RBFOX3: variants seen among roughly 807,000 people sequenced by gnomAD.
RBFOX3 encodes the protein RNA binding protein fox-1 homolog 3.
RBFOX3 carries 17 observed loss-of-function variants against 48.7 expected under a neutral mutation model. That is an observed-to-expected ratio of 0.35 (90% CI 0.24 to 0.52). The LOEUF is 0.52. Ranked by LOEUF, RBFOX3 falls within the 20% of genes least tolerant of loss-of-function variation. RBFOX3 has a pLI of 0.94. For missense variants in RBFOX3, 382 were observed against 497.5 expected (o/e 0.77, Z 2.21); for synonymous variants, 212 against 209.5 (o/e 1.01, Z -0.10).
chr17:79,238,219 G>A (rs780467008), intron 3 of RBFOX3, among the ~76,000 whole-genome samples: 1 of 152,246 alleles, frequency 6.6e-6, no homozygotes, highest in Non-Finnish European at 1.5e-5. Flanking sequence ...TTACAGGTGT[G>A]AGCCACCACA....
the RBFOX3 span, among the ~76,000 whole-genome samples, chr17:79,616,582 A>ACACACACACAC: frequency 6.9e-6 from 1 of 145,652 alleles, no homozygotes; most frequent in African/African-American, 2.5e-5. Flanking sequence ...TCTCTATACA[A>ACACACACACAC]ACACACACAC....
intron 2 of RBFOX3, among the ~76,000 whole-genome samples, chr17:79,380,344 T>G (rs2059749219): frequency 6.6e-6 from 1 of 152,274 alleles, no homozygotes; most frequent in African/African-American, 2.4e-5. Context: ...AAAGTCTTTT[T>G]TAATTTTCAA....
chr17:79,420,509 C>T (rs1350407475), intron 2 of RBFOX3, among the ~76,000 whole-genome samples: 1 of 152,148 alleles, frequency 6.6e-6, no homozygotes, highest in African/African-American at 2.4e-5. Flanking sequence ...CCCTCCACAG[C>T]CATGTCCAGG....
chr17:79,258,006 C>T (rs373624365), intron 3 of RBFOX3, among the ~76,000 whole-genome samples: 91 of 152,274 alleles, frequency 6.0e-4, no homozygotes, highest in African/African-American at 2.1e-3. Context: ...CCTTTATCCC[C>T]TTCTCTCCCC....
chr17:79,293,434 T>TCCTC (rs2073764979), intron 3 of RBFOX3, among the ~76,000 whole-genome samples: 1 of 59,060 alleles, frequency 1.7e-5, no homozygotes, highest in Non-Finnish European at 2.9e-5. Flanking sequence ...CTTCCTTCCT[T>TCCTC]CCTTCCTTCC....
the RBFOX3 span, among the ~76,000 whole-genome samples, chr17:79,626,661 C>G: frequency 1.3e-5 from 2 of 152,258 alleles, no homozygotes; most frequent in Non-Finnish European, 2.9e-5. Context: ...GGGATATACA[C>G]AGAAGTGACA....
intron 1 of RBFOX3, among the ~76,000 whole-genome samples, chr17:79,509,126 C>G (rs1049983807): frequency 1.3e-5 from 2 of 151,974 alleles, no homozygotes; most frequent in African/African-American, 4.8e-5. Context: ...CCCCAGGGCC[C>G]CGGCCCTGGG....
Position 79,299,004 on chromosome 17 carries a change from G to A in RBFOX3, c.-74+8720C>T, listed in dbSNP as rs190366561. Among the ~76,000 whole-genome samples the A allele has an allele frequency of 2.2e-4, 33 of 152,338 alleles. No individual in the cohort carries two copies. The East Asian group carries it at 6.2e-3, about 29-fold the overall frequency. On this transcript the variant is annotated intron_variant, in intron 3 of 14. Coordinates refer to ENST00000693108, the MANE Select transcript of RBFOX3 (RefSeq NM_001350451.2). This position sits in a 1 kb window ranked among gnomAD's most constrained non-coding sequence, Gnocchi z 4.5. ...CTGCTGATGCAAGGCTGGGAGGCGG[G>A]AGGGCGCGAGTCTGTAACTGGAGAG... is the stretch of plus-strand genomic sequence containing the variant.
intron 1 of RBFOX3, among the ~76,000 whole-genome samples, chr17:79,563,514 C>G (rs1006529528): frequency 6.6e-6 from 1 of 152,250 alleles, no homozygotes; most frequent in Non-Finnish European, 1.5e-5. Flanking sequence ...AAAGGAGTGC[C>G]TGTTTCACCA....
intron 5 of RBFOX3, among the ~76,000 whole-genome samples, chr17:79,112,684 G>A (rs567690383): frequency 6.6e-6 from 1 of 152,208 alleles, no homozygotes; most frequent in South Asian, 2.1e-4. Context: ...ACAGCTACCA[G>A]TGGGGTGGGT....
In RBFOX3 at chr17:79,311,351, C is replaced by T. The variant is rs991087851; in HGVS notation, c.-174-3527G>A. ...AGGAGGCTGAGGCAGGAGAATCACTCGAACCTGGGAGGCAGAGGTTGCAGT... is the reference window on the plus strand; with the variant it reads ...AGGAGGCTGAGGCAGGAGAATCACTTGAACCTGGGAGGCAGAGGTTGCAGT... On this transcript the variant is annotated intron_variant, in intron 2 of 14. Coordinates refer to ENST00000693108, the MANE Select transcript of RBFOX3 (RefSeq NM_001350451.2). The surrounding 1 kb of genome is among the most constrained non-coding windows in gnomAD (Gnocchi z 4.2). Among the ~76,000 whole-genome samples, 3 of 150,380 alleles carry T rather than the reference C, an allele frequency of 2.0e-5. No homozygotes were observed. The highest frequency in any genetic ancestry group is 3.0e-5 in the Non-Finnish European group (2 of 67,710).
At chr17:79,386,058 G>A (rs1423612065) in intron 2 of RBFOX3, among the ~76,000 whole-genome samples, 1 of 148,090 alleles carries the variant, frequency 6.8e-6, no homozygotes, top group African/African-American at 2.5e-5. Flanking sequence ...ACAGAAAGAG[G>A]CTCCATCACC....
chr17:79,297,462 G>A (rs893008921), intron 3 of RBFOX3, among the ~76,000 whole-genome samples: 3 of 108,042 alleles, frequency 2.8e-5, no homozygotes, highest in East Asian at 5.8e-4. Flanking sequence ...TGGCTTCCTC[G>A]GGCCATCCCC....
chr17:79,620,617 A>T, the RBFOX3 span, among the ~76,000 whole-genome samples: 2 of 119,368 alleles, frequency 1.7e-5, no homozygotes, highest in African/African-American at 6.8e-5. Context: ...ACATGCACAC[A>T]CGCACATGCA....
chr17:79,459,455 C>T (rs1383569700), intron 2 of RBFOX3, among the ~76,000 whole-genome samples: 1 of 152,144 alleles, frequency 6.6e-6, no homozygotes, highest in Non-Finnish European at 1.5e-5. Context: ...TGGTACAGAG[C>T]ACAGTGGGGC....
chr17:79,187,873 G>A (rs1005818440), intron 4 of RBFOX3, among the ~76,000 whole-genome samples: 5 of 151,828 alleles, frequency 3.3e-5, no homozygotes, highest in Non-Finnish European at 5.9e-5. Context: ...GTCAGGCTGC[G>A]GATGGGAAAC....
At chr17:79,163,944 G>C (rs1163813421) in intron 4 of RBFOX3, among the ~76,000 whole-genome samples, 1 of 152,218 alleles carries the variant, frequency 6.6e-6, no homozygotes, top group East Asian at 1.9e-4. Flanking sequence ...GGAGGGTGGG[G>C]ACCCCTGCCC....
chr17:79,101,199 C>G (rs768354960), intron 9 of RBFOX3, among the ~76,000 whole-genome samples: 17 of 152,292 alleles, frequency 1.1e-4, no homozygotes, highest in Non-Finnish European at 2.5e-4. Context: ...CACTGGGAAT[C>G]GGTGCAGCAG....
At chr17:79,498,445 C>G (rs2081888351) in intron 1 of RBFOX3, among the ~76,000 whole-genome samples, 1 of 129,538 alleles carries the variant, frequency 7.7e-6, no homozygotes, top group African/African-American at 3.0e-5. Context: ...ATCCTTCCAC[C>G]CACCCATCCA....
Sources: gnomAD v4.1 joint callset for allele counts (sites outside exome capture counted in the v4.1 genomes callset) on GRCh38, gnomAD v4.1.1 for gene constraint, Gnocchi (gnomAD v3.1) non-coding constraint, MANE v1.5 for transcripts, NCBI Gene and HGNC (gene_info 2026-07-23, HGNC 2026-07-21) for gene names.